ATF7IP: variants seen among roughly 807,000 people sequenced by gnomAD.
ATF7IP encodes the protein activating transcription factor 7-interacting protein 1.
A neutral mutation model predicts 106.4 loss-of-function variants in ATF7IP; 23 were observed. The observed-to-expected ratio is 0.22, with a 90% CI of 0.16 to 0.31. The LOEUF is 0.31. Ranked by LOEUF, ATF7IP falls within the 10% of genes least tolerant of loss-of-function variation. ATF7IP has a pLI of 1.00. For synonymous variants in ATF7IP, 542 were observed against 539.0 expected, an observed-to-expected ratio of 1.01 and a Z score of -0.08; for missense variants, 1,334 against 1,524.3, an observed-to-expected ratio of 0.88 and a Z score of 2.08.
chr12:14,368,863 T>A (rs1686562437), intron 1 of ATF7IP, among the ~76,000 whole-genome samples: 10 of 152,170 alleles, frequency 6.6e-5, no homozygotes, highest in Admixed American at 4.6e-4. Flanking sequence ...TTTTAATATT[T>A]GTCACAGTAA....
intron 10 of ATF7IP, among the ~76,000 whole-genome samples, chr12:14,471,811 TA>T (rs1944055269): frequency 6.6e-6 from 1 of 152,078 alleles, no homozygotes; most frequent in African/African-American, 2.4e-5. Context: ...ACATGGAAAT[TA>T]TCAGAACTAC....
At chr12:14,371,341 A>G (rs1025847102) in intron 1 of ATF7IP, among the ~76,000 whole-genome samples, 4 of 152,112 alleles carry the variant, frequency 2.6e-5, no homozygotes, top group African/African-American at 9.6e-5. Context: ...AAATATTAAG[A>G]TATTATTGGC....
At chr12:14,445,307 A>G (rs1942903864) in intron 5 of ATF7IP, among the ~76,000 whole-genome samples, 2 of 151,472 alleles carry the variant, frequency 1.3e-5, no homozygotes, top group South Asian at 2.1e-4. Context: ...TGATTTGACT[A>G]AAGAAAAAAT....
Position 14,424,880 on chromosome 12 carries a change from C to G in ATF7IP, c.965C>G (p.Ala322Gly). 1 of 1,610,016 alleles carries G rather than the reference C, an allele frequency of 6.2e-7. No individual in the cohort carries two copies. Among genetic ancestry groups the G allele is most frequent in the Non-Finnish European group, 8.5e-7 (1 of 1,179,052 alleles). ...GATGATTTTCTTGAAAAAAATGGAG[C>G]TGATGAAAAATTAGAGCAAATTCAG... Reference protein sequence around the residue: ...KDDDFLEKNGADEKLEQIQSK... With the variant: ...KDDDFLEKNGGDEKLEQIQSK... Residue 322 changes from alanine to glycine, a missense_variant, in exon 2 of 15, where the codon GCT becomes GGT. Physicochemically the swap from Ala to Gly is moderately conservative, Grantham distance 60 (BLOSUM62 0). Transcript: ENST00000261168.
intron 1 of ATF7IP, among the ~76,000 whole-genome samples, chr12:14,399,813 C>G (rs1001320188): frequency 1.3e-5 from 2 of 151,954 alleles, no homozygotes; most frequent in African/African-American, 4.8e-5. Context: ...GGCACCTGAC[C>G]TTTTGTTTGA....
At chr12:14,423,822 A>G in intron 1 of ATF7IP, 87 bp from the exon 2 acceptor site, 1 of 1,401,318 alleles carries the variant, frequency 7.1e-7, no homozygotes, top group Non-Finnish European at 9.5e-7. Context: ...TGCTGCTTGC[A>G]TCTCTTCTAA....
intron 2 of ATF7IP, 38 bp from the exon 3 acceptor site, chr12:14,434,299 A>G (rs1205032886): frequency 2.2e-5 from 27 of 1,205,452 alleles, no homozygotes; most frequent in Non-Finnish European, 3.0e-5. Context: ...TATGAATTCT[A>G]GTAGAAGTAA....
intron 1 of ATF7IP, among the ~76,000 whole-genome samples, chr12:14,408,116 G>GCGCACACACACA (rs1555113731): frequency 6.7e-6 from 1 of 148,982 alleles, no homozygotes; most frequent in African/African-American, 2.5e-5. Flanking sequence ...ATATTGATGT[G>GCGCACACACACA]CACACACACA....
intron 1 of ATF7IP, among the ~76,000 whole-genome samples, chr12:14,419,701 T>G (rs1941388388): frequency 6.6e-6 from 1 of 152,126 alleles, no homozygotes; most frequent in Non-Finnish European, 1.5e-5. Context: ...AGGTGTGAAA[T>G]TTTAGTCTGT....
intron 1 of ATF7IP, among the ~76,000 whole-genome samples, chr12:14,369,761 GCTAGTTTCCATTTTTTTCCAGATAT>G (rs11270474): frequency 0.051 from 7,742 of 152,126 alleles, 675 homozygotes; most frequent in African/African-American, 0.18. Context: ...AAGATAAGTT[GCTAGTTTCCATTTTTTTCCAGATAT>G]CTAGTTTCCA....
At chr12:14,416,615 C>T (rs1361683882) in intron 1 of ATF7IP, among the ~76,000 whole-genome samples, 1 of 152,124 alleles carries the variant, frequency 6.6e-6, no homozygotes, top group Non-Finnish European at 1.5e-5. Flanking sequence ...AGTACAGACC[C>T]TAGTTTATTT....
intron 1 of ATF7IP, among the ~76,000 whole-genome samples, chr12:14,387,892 A>G (rs564662444): frequency 4.6e-5 from 7 of 152,292 alleles, no homozygotes; most frequent in African/African-American, 1.7e-4. Flanking sequence ...ATAAGCCTCT[A>G]AGAGAAATGT....
chr12:14,377,918 G>A (rs1271066052), intron 1 of ATF7IP, among the ~76,000 whole-genome samples: 1 of 150,798 alleles, frequency 6.6e-6, no homozygotes, highest in African/African-American at 2.4e-5. Context: ...ATAAGCCACC[G>A]TGCCTGGTCT....
At position 14,425,095 on chromosome 12, in the gene ATF7IP, C is replaced by G; in HGVS notation, c.1180C>G (p.Gln394Glu). ...DAISSSMEID[Q>E]GEKNEDETSA... ...TATATCTAGCAGTATGGAAATTGACCAAGGTGAAAAGAATGAAGATGAAAC... is the reference window on the plus strand; with the variant it reads ...TATATCTAGCAGTATGGAAATTGACGAAGGTGAAAAGAATGAAGATGAAAC... The change falls in exon 2 of 15, where the codon CAA (glutamine) becomes GAA (glutamate). Residue 394 changes from glutamine (Q) to glutamate (E), a missense_variant. Physicochemically the swap from Gln to Glu is conservative, Grantham distance 29 (BLOSUM62 2). Transcript: ENST00000261168. The G allele has an allele frequency of 6.3e-7, 1 of 1,588,878 alleles. No homozygotes were observed. The highest frequency in any genetic ancestry group is 8.5e-7 in the Non-Finnish European group (1 of 1,173,148).
In ATF7IP at chr12:14,377,126, C is replaced by T. The variant is rs117565590; in HGVS notation, c.-8+11299C>T. Among the ~76,000 whole-genome samples the T allele has an allele frequency of 3.0e-4, 46 of 151,662 alleles. No homozygotes were observed. In the East Asian group the frequency reaches 8.9e-3, roughly 29 times the overall value. ...TCTTGTGCTTCAGCCTTCCGAGTAG[C>T]TGGGATTACAGAAATGCACCACCAC... On this transcript the variant is annotated intron_variant, in intron 1 of 14. Transcript: ENST00000261168.
At chr12:14,496,650 A>G (rs888139045) in intron 14 of ATF7IP, among the ~76,000 whole-genome samples, 2 of 152,164 alleles carry the variant, frequency 1.3e-5, no homozygotes, top group African/African-American at 4.8e-5. Flanking sequence ...GACATTTTTC[A>G]TTTCTCCATG....
At chr12:14,450,684 C>T (rs1344361903) in intron 6 of ATF7IP, among the ~76,000 whole-genome samples, 3 of 152,156 alleles carry the variant, frequency 2.0e-5, no homozygotes, top group African/African-American at 7.2e-5. Flanking sequence ...TTTGAAAGTA[C>T]TCCTACTTGG....
chr12:14,395,744 A>G (rs931644818), intron 1 of ATF7IP, among the ~76,000 whole-genome samples: 1 of 152,146 alleles, frequency 6.6e-6, no homozygotes, highest in African/African-American at 2.4e-5. Context: ...TACATTAGAT[A>G]ATGTATATTT....
intron 5 of ATF7IP, among the ~76,000 whole-genome samples, chr12:14,441,384 T>C (rs1942687664): frequency 6.6e-6 from 1 of 152,226 alleles, no homozygotes. Context: ...TGTGCTTGTT[T>C]ATAGAAATGT....
Sources: allele counts gnomAD v4.1 joint callset (sites outside exome capture counted in the v4.1 genomes callset), GRCh38; gene constraint gnomAD v4.1.1; transcripts MANE v1.5; gene names NCBI Gene and HGNC (gene_info 2026-07-23, HGNC 2026-07-21).